Variants in MYH3 observed in about 807,000 individuals in gnomAD.
MYH3 encodes the protein myosin-3.
Under a neutral mutation model 238.0 loss-of-function variants are expected in MYH3, and 130 were observed. The observed-to-expected ratio is 0.55, with a 90% CI of 0.47 to 0.63. The LOEUF is 0.63. Among genes scored for constraint, MYH3 ranks in the 30% least tolerant of loss-of-function variants. The probability of loss-of-function intolerance (pLI) is 0.00; values close to 1 mark genes in which losing one functional copy is unlikely to be tolerated. For synonymous variants in MYH3, 880 were observed against 924.1 expected, an observed-to-expected ratio of 0.95 and a Z score of 0.86; for missense variants, 1,853 against 2,374.9, an observed-to-expected ratio of 0.78 and a Z score of 4.57.
rs2285468 is a variant in MYH3, at chr17:10,642,813, T to G, written c.1581+13A>C. ...CTATGAGAAGAGCTTACGGTGGGGATGGAACTGGATACCTTCTCGATGAGC... is the reference window on the plus strand; with the variant it reads ...CTATGAGAAGAGCTTACGGTGGGGAGGGAACTGGATACCTTCTCGATGAGC... On this transcript the variant is annotated intron_variant, in intron 15 of 40. Transcript: ENST00000583535. The surrounding 1 kb of genome is among the most constrained non-coding windows in gnomAD (Gnocchi z 5.4). 1,154,916 of 1,613,388 alleles carry G rather than the reference T, an allele frequency of 0.72. 423,631 individuals are homozygous for G. The highest frequency in any genetic ancestry group is 0.77 in the Non-Finnish European group (905,703 of 1,179,854).
At position 10,648,596 on chromosome 17, in the gene MYH3, C is replaced by T; in HGVS notation, c.696G>A (p.Gly232=). The change falls in exon 8 of 41, where the codon GGG becomes GGA. Residue 232 remains glycine (G), a synonymous_variant. Coordinates refer to ENST00000583535, the MANE Select transcript of MYH3 (RefSeq NM_002470.4). ...TGTCATTCCTCACAGTCTTGGCGTT[C>T]CCAAAGGCCTCCAGCAGGGGATTGG... ...ISANPLLEAF[G]NAKTVRNDNS... is the part of the protein sequence containing the mutation. 6.2e-7 allele frequency: 1 copy of T among 1,614,134 alleles called. No individual in the cohort carries two copies. The highest frequency in any genetic ancestry group is 8.5e-7 in the Non-Finnish European group (1 of 1,179,996).
chr17:10,642,020 C>A lies in MYH3; in HGVS notation c.1959+220G>T, dbSNP rs888492222. Among the ~76,000 whole-genome samples, 2 of 152,116 alleles carry A rather than the reference C, an allele frequency of 1.3e-5. No homozygotes were observed. Among genetic ancestry groups the A allele is most frequent in the African/African-American group, 4.8e-5 (2 of 41,416 alleles). On this transcript the variant is annotated intron_variant, in intron 17 of 40. Transcript: ENST00000583535. The surrounding 1 kb of genome is among the most constrained non-coding windows in gnomAD (Gnocchi z 5.4). ...GTTTATGCTGGAAACTCGGACAAGC[C>A]AACTCAGCTATCTTTGGTATAAGAT...
At chr17:10,635,700 A>G (rs1296771183) in intron 29 of MYH3, 35 bp downstream of exon 29, 1 of 1,612,696 alleles carries the variant, frequency 6.2e-7, no homozygotes, top group Admixed American at 1.7e-5. Context: ...GATATTTAAA[A>G]ATAAGGGCAA....
chr17:10,630,070 A>G, intron 38 of MYH3, 22 bp downstream of exon 38: 1 of 1,610,916 alleles, frequency 6.2e-7, no homozygotes, highest in Non-Finnish European at 8.5e-7. Context: ...GGACACGATC[A>G]TGGCGTTTGC....
intron 7 of MYH3, among the ~76,000 whole-genome samples, chr17:10,648,874 CATATTG>C (rs2074348534): frequency 6.6e-6 from 1 of 152,116 alleles, no homozygotes. Context: ...GGGGTTTCTC[CATATTG>C]GTCAGGTTGG....
At chr17:10,672,630 G>C in the MYH3 span, 3 of 152,104 alleles carry the variant, frequency 2.0e-5, no homozygotes, top group African/African-American at 4.8e-5. Context: ...TCCTGCCCCT[G>C]GCAATCATTT....
chr17:10,645,825 G>A lies in MYH3; in HGVS notation c.1023C>T (p.Gly341=), dbSNP rs772917289. The change falls in exon 12 of 41, where the codon GGC becomes GGT. Residue 341 remains glycine (G), a synonymous_variant. Transcript: ENST00000583535. ...GCCCAGATTTCTCTTCTGGGGTGAA[G>A]CCCAGGATGTCAATGGCGCTCTGGC... ...LATDSAIDIL[G]FTPEEKSGLY... 4 of 1,613,792 alleles carry A rather than the reference G, an allele frequency of 2.5e-6. No homozygotes were observed. Among genetic ancestry groups the A allele is most frequent in the Non-Finnish European group, 1.7e-6 (2 of 1,180,024 alleles).
chr17:10,671,846 T>TG, the MYH3 span, among the ~76,000 whole-genome samples: 7 of 152,310 alleles, frequency 4.6e-5, no homozygotes, highest in East Asian at 1.3e-3. Context: ...CCCAATGTGC[T>TG]GGGATTACAG....
At chr17:10,634,655 C>A (rs2074196263) in intron 31 of MYH3, among the ~76,000 whole-genome samples, 185 bp downstream of exon 31, 1 of 152,178 alleles carries the variant, frequency 6.6e-6, no homozygotes, top group Non-Finnish European at 1.5e-5. Context: ...GGGACCTCTA[C>A]CCCCAGCCCA....
chr17:10,657,812 GAATAATTAATAATAAT>G (rs1321234655), upstream of MYH3, among the ~76,000 whole-genome samples: 3 of 151,750 alleles, frequency 2.0e-5, no homozygotes, highest in African/African-American at 7.3e-5. Context: ...CCTGTGCCAG[GAATAATTAATAATAAT>G]AATAATTAAT....
rs939896344 is a variant in MYH3, at chr17:10,640,991, C to T, written c.2165+94G>A. On this transcript the variant is annotated intron_variant, in intron 19 of 40. Coordinates refer to ENST00000583535, the MANE Select transcript of MYH3 (RefSeq NM_002470.4). The stretch of plus-strand genomic sequence containing the variant: ...ACATGGAGGTCCATATCTGTTCTTT[C>T]GAAATAGGTCTTTTCATACGAATCT... The T allele has an allele frequency of 3.3e-5, 36 of 1,078,218 alleles. 1 individual carries two copies. Among genetic ancestry groups the T allele is most frequent in the East Asian group, 2.3e-5 (1 of 42,700 alleles). The allele number at this position is 1,078,218 out of a possible 1,614,324, so 66.8% of individuals were successfully genotyped here. A position where few individuals can be genotyped will look rare whatever the true frequency, so the allele number is the denominator to read the frequency against.
In MYH3 at chr17:10,654,776, G is replaced by A. The variant is rs546015950; in HGVS notation, c.204+85C>T. 1,339 of 1,244,276 alleles carry A rather than the reference G, an allele frequency of 1.1e-3. 12 individuals are homozygous for A. Among genetic ancestry groups the A allele is most frequent in the South Asian group, 9.9e-3 (829 of 83,522 alleles). 77.1% of individuals were successfully genotyped at this position (1,244,276 alleles called of 1,614,324 possible). On this transcript the variant is annotated intron_variant, in intron 3 of 40. Coordinates refer to ENST00000583535, the MANE Select transcript of MYH3 (RefSeq NM_002470.4). The surrounding 1 kb of genome is among the most constrained non-coding windows in gnomAD (Gnocchi z 4.5). ...CAGTGCTGGAACCACATCTGGAAGT[G>A]GCTGGGGTTGGGCAGATGCATACCC...
chr17:10,672,664 G>C, the MYH3 span: 3 of 152,148 alleles, frequency 2.0e-5, no homozygotes, highest in Non-Finnish European at 4.4e-5. Context: ...TATTAGGCCT[G>C]TGTTGAAGAC....
rs1241158278 is a variant in MYH3, at chr17:10,639,035, A to C, written c.3248+9T>G. On this transcript the variant is annotated intron_variant, in intron 25 of 40. Transcript: ENST00000583535. The stretch of plus-strand genomic sequence containing the variant: ...TTGCAAAATGGAAGCCAGTGGTTGA[A>C]GGGCATACTTCTTGAGCCTTTCGTC... 1.2e-6 allele frequency: 2 copies of C among 1,614,250 alleles called. No individual in the cohort carries two copies. The highest frequency in any genetic ancestry group is 2.2e-5 in the South Asian group (2 of 91,088).
chr17:10,657,960 C>A (rs1038913055), upstream of MYH3, among the ~76,000 whole-genome samples: 1 of 151,922 alleles, frequency 6.6e-6, no homozygotes, highest in African/African-American at 2.4e-5. Context: ...TAACTTAATT[C>A]TTTCTTAAGC....
At chr17:10,674,272 T>G in the MYH3 span, 1 of 162,558 alleles carries the variant, frequency 6.2e-6, no homozygotes, top group Non-Finnish European at 1.3e-5. Context: ...AAAATTACCA[T>G]GCACGCCACC....
Position 10,657,266 on chromosome 17 carries a change from TAGAAG to T in MYH3, c.-68+18_-68+22del, listed in dbSNP as rs1240380191. 1 of 152,234 alleles carries T rather than the reference TAGAAG, an allele frequency of 6.6e-6. No homozygotes were observed. Among genetic ancestry groups the T allele is most frequent in the East Asian group, 1.9e-4 (1 of 5,178 alleles). The allele number at this position is 152,234 out of a possible 1,614,324, so 9.4% of individuals were successfully genotyped here. On this transcript the variant is annotated intron_variant, in intron 1 of 40. Coordinates refer to ENST00000583535, the MANE Select transcript of MYH3 (RefSeq NM_002470.4). ...GGGTGTGCTCCAAGCAGCTGAGACC[TAGAAG>T]AGGAGCCTGTGACTTACCTCCGCCC...
Position 10,655,051 on chromosome 17 carries a change from G to C in MYH3, c.14C>G (p.Thr5Ser). The C allele has an allele frequency of 6.2e-7, 1 of 1,614,148 alleles. No individual in the cohort carries two copies. The highest frequency in any genetic ancestry group is 8.5e-7 in the Non-Finnish European group (1 of 1,180,036). The change falls in exon 3 of 41, where the codon ACT becomes AGT. Residue 5 changes from threonine to serine, a missense_variant. By Grantham distance (58) the Thr-to-Ser change is moderately conservative. Coordinates refer to ENST00000583535, the MANE Select transcript of MYH3 (RefSeq NM_002470.4). MSSD[T>S]EMEVFGIAAP... ...AGCTATGCCGAACACTTCCATTTCA[G>C]TGTCACTACTCATGGTGTCAGCTGG...
At chr17:10,643,506 G>A (rs981663228) in intron 14 of MYH3, among the ~76,000 whole-genome samples, 1 of 152,080 alleles carries the variant, frequency 6.6e-6, no homozygotes, top group Non-Finnish European at 1.5e-5. Context: ...CTCCAGAGTG[G>A]CTGGAACTAC....
Sources: gnomAD v4.1 joint callset for allele counts (sites outside exome capture counted in the v4.1 genomes callset) on GRCh38, gnomAD v4.1.1 for gene constraint, Gnocchi (gnomAD v3.1) non-coding constraint, MANE v1.5 for transcripts, NCBI Gene and HGNC (gene_info 2026-07-23, HGNC 2026-07-21) for gene names.